Variants in NPAS3 observed in about 807,000 individuals in gnomAD.
The protein encoded by NPAS3 is neuronal PAS domain-containing protein 3.
A neutral mutation model predicts 73.1 loss-of-function variants in NPAS3; 14 were observed. The ratio of observed to expected loss-of-function variants is 0.19; its 90% CI spans 0.13 to 0.30. The LOEUF is 0.30. NPAS3 is among the 10% of genes least tolerant of loss of function. NPAS3 has a pLI of 1.00. For synonymous variants in NPAS3, 620 were observed against 541.5 expected, an observed-to-expected ratio of 1.14 and a Z score of -2.01; for missense variants, 1,096 against 1,250.0, an observed-to-expected ratio of 0.88 and a Z score of 1.86.
At chr14:33,013,231 G>T (rs1024961066) in intron 1 of NPAS3, among the ~76,000 whole-genome samples, 9 of 152,214 alleles carry the variant, frequency 5.9e-5, no homozygotes, top group African/African-American at 2.2e-4. Context: ...ATAAATACAT[G>T]GATCTCTTTA....
chr14:33,231,412 A>G (rs2047846652), intron 3 of NPAS3, among the ~76,000 whole-genome samples: 1 of 152,204 alleles, frequency 6.6e-6, no homozygotes, highest in African/African-American at 2.4e-5. Flanking sequence ...TGTATTTAAT[A>G]GCTATATATT....
At chr14:33,739,931 T>A (rs2061615172) in intron 7 of NPAS3, among the ~76,000 whole-genome samples, 1 of 152,176 alleles carries the variant, frequency 6.6e-6, no homozygotes, top group African/African-American at 2.4e-5. Flanking sequence ...AAACTCTTAC[T>A]CAACCAGTAT....
chr14:33,071,511 C>A (rs1022060437), intron 2 of NPAS3, among the ~76,000 whole-genome samples: 18 of 152,188 alleles, frequency 1.2e-4, no homozygotes, highest in African/African-American at 3.1e-4. Flanking sequence ...TAATTAAGAT[C>A]ATCAAAACAA....
chr14:33,248,066 C>A (rs1221079523), intron 3 of NPAS3, among the ~76,000 whole-genome samples: 1 of 152,170 alleles, frequency 6.6e-6, no homozygotes, highest in African/African-American at 2.4e-5. Context: ...GCATGAGCTA[C>A]AATGTGTGAA....
At chr14:33,702,681 G>A (rs1027910993) in intron 6 of NPAS3, among the ~76,000 whole-genome samples, 1 of 152,118 alleles carries the variant, frequency 6.6e-6, no homozygotes, top group Non-Finnish European at 1.5e-5. Flanking sequence ...TCTGGCTCCT[G>A]TTCTAGATAT....
At chr14:33,345,283 C>T (rs918879737) in intron 3 of NPAS3, among the ~76,000 whole-genome samples, 4 of 152,246 alleles carry the variant, frequency 2.6e-5, no homozygotes, top group Admixed American at 1.3e-4. Flanking sequence ...AGATATGAAC[C>T]GAATGTGAGA....
intron 5 of NPAS3, among the ~76,000 whole-genome samples, chr14:33,653,377 A>G (rs968748950): frequency 6.6e-6 from 1 of 152,256 alleles, no homozygotes; most frequent in Non-Finnish European, 1.5e-5. Context: ...TTAGACAAAT[A>G]GAGCAAGCTT....
intron 4 of NPAS3, among the ~76,000 whole-genome samples, chr14:33,503,309 G>T (rs2052604824): frequency 6.6e-6 from 1 of 151,850 alleles, no homozygotes; most frequent in African/African-American, 2.4e-5. Flanking sequence ...GAGTTCCCAT[G>T]CCAGTTGAAC....
chr14:33,393,051 A>G (rs1189794310), intron 4 of NPAS3, among the ~76,000 whole-genome samples: 1 of 152,082 alleles, frequency 6.6e-6, no homozygotes, highest in Non-Finnish European at 1.5e-5. Context: ...TCTCTAGAAC[A>G]TATTTTTCAA....
chr14:33,310,790 TACACACACACACACACACAC>T (rs57506320), intron 3 of NPAS3, among the ~76,000 whole-genome samples: 4,022 of 142,246 alleles, frequency 0.028, 159 homozygotes, highest in African/African-American at 0.093. Flanking sequence ...AAATGTATGG[TACACACACACACACACACAC>T]ACACACACAC....
chr14:33,346,354 C>A (rs1328374665), intron 3 of NPAS3, among the ~76,000 whole-genome samples: 1 of 151,538 alleles, frequency 6.6e-6, no homozygotes, highest in Non-Finnish European at 1.5e-5. Context: ...AGAGTGGGAC[C>A]CTGGTCTCTA....
intron 7 of NPAS3, among the ~76,000 whole-genome samples, chr14:33,767,615 T>C (rs1186554406): frequency 1.3e-5 from 2 of 151,108 alleles, no homozygotes; most frequent in African/African-American, 4.9e-5. Context: ...TTTTTTTTTT[T>C]CGTACCTGAA....
At chr14:33,739,147 T>C (rs188383569) in intron 7 of NPAS3, among the ~76,000 whole-genome samples, 2 of 152,296 alleles carry the variant, frequency 1.3e-5, no homozygotes, top group African/African-American at 2.4e-5. Context: ...CATGTTTATA[T>C]AATGCTCGGA....
chr14:32,948,059 G>T (rs1386752472), intron 1 of NPAS3, among the ~76,000 whole-genome samples: 1 of 152,092 alleles, frequency 6.6e-6, no homozygotes, highest in African/African-American at 2.4e-5. Context: ...ACTGATTAAA[G>T]TGCTCTTCAT....
Position 33,414,687 on chromosome 14 carries a change from A to T in NPAS3, c.468+47419A>T, listed in dbSNP as rs956901834. ...TCTGACAAGTGTTACCACAAAGCAA[A>T]TACTATAAATATAATACTACCTTCT... On this transcript the variant is annotated intron_variant, in intron 4 of 11. Transcript: ENST00000356141. Among the ~76,000 whole-genome samples, 5 of 152,252 alleles carry T rather than the reference A, an allele frequency of 3.3e-5. No individual in the cohort carries two copies. The East Asian group carries it at 9.7e-4, about 29-fold the overall frequency.
At chr14:32,942,590 CA>C (rs1290520762) in intron 1 of NPAS3, among the ~76,000 whole-genome samples, 4 of 152,022 alleles carry the variant, frequency 2.6e-5, no homozygotes, top group Non-Finnish European at 4.4e-5. Context: ...GATGTATAAC[CA>C]AAAAAATTAG....
chr14:33,383,650 G>C (rs1191572585), intron 4 of NPAS3, among the ~76,000 whole-genome samples: 1 of 152,126 alleles, frequency 6.6e-6, no homozygotes, highest in Non-Finnish European at 1.5e-5. Context: ...ATGATTAACT[G>C]TGCCCAAGTC....
At chr14:33,544,827 A>ATATATATAATTT (rs1465407870) in intron 4 of NPAS3, among the ~76,000 whole-genome samples, 1 of 80,210 alleles carries the variant, frequency 1.2e-5, no homozygotes, top group Admixed American at 1.3e-4. Flanking sequence ...TATAATATAT[A>ATATATATAATTT]TGTGTATATA....
intron 5 of NPAS3, among the ~76,000 whole-genome samples, chr14:33,614,147 G>A (rs1316299979): frequency 1.3e-5 from 2 of 152,198 alleles, no homozygotes; most frequent in African/African-American, 4.8e-5. Flanking sequence ...ATATTTTACA[G>A]TCACTTCATG....
Sources: allele counts gnomAD v4.1 joint callset (sites outside exome capture counted in the v4.1 genomes callset), GRCh38; gene constraint gnomAD v4.1.1; transcripts MANE v1.5; gene names NCBI Gene and HGNC (gene_info 2026-07-23, HGNC 2026-07-21).